MGAT5B: variants seen among roughly 807,000 people sequenced by gnomAD.
MGAT5B encodes alpha-1,6-mannosylglycoprotein 6-beta-N-acetylglucosaminyltransferase B, also known as N-acetylglucosaminyl-transferase Vb.
In MGAT5B, 54 loss-of-function variants were observed where a neutral mutation model predicts 95.1. The ratio of observed to expected loss-of-function variants is 0.57; its 90% CI spans 0.46 to 0.71. The LOEUF (loss-of-function observed/expected upper bound fraction) is 0.71, where lower values mean the gene tolerates loss of function less well. Ranked by LOEUF, MGAT5B falls within the 30% of genes least tolerant of loss-of-function variation. MGAT5B has a pLI of 0.00. For synonymous variants in MGAT5B, 464 were observed against 451.0 expected (o/e 1.03, Z -0.36); for missense variants, 935 against 1,088.6 (o/e 0.86, Z 1.99).
intron 3 of MGAT5B, among the ~76,000 whole-genome samples, chr17:76,901,922 C>A (rs1968325792): frequency 6.6e-6 from 1 of 152,274 alleles, no homozygotes; most frequent in South Asian, 2.1e-4. Context: ...AGCACACATG[C>A]AGTAATGCAC....
At chr17:76,884,602 A>AT (rs11338232) in intron 3 of MGAT5B, among the ~76,000 whole-genome samples, 6,566 of 125,426 alleles carry the variant, frequency 0.052, 456 homozygotes, top group African/African-American at 0.15. Flanking sequence ...TGCCCAGCTA[A>AT]TTTTTTTTTT....
At chr17:76,935,963 T>TAC (rs1370914175) in intron 12 of MGAT5B, among the ~76,000 whole-genome samples, 2 of 144,024 alleles carry the variant, frequency 1.4e-5, no homozygotes, top group Non-Finnish European at 3.0e-5. Flanking sequence ...ATTATATATA[T>TAC]ATATATGTAG....
In MGAT5B at chr17:76,869,770, G is replaced by C. The variant is rs1330898307; in HGVS notation, c.68+673G>C. On this transcript the variant is annotated intron_variant, in intron 1 of 17. Transcript: ENST00000569840. The surrounding 1 kb of genome is among the most constrained non-coding windows in gnomAD (Gnocchi z 7.0). ...AGCCGAGGCTGCGGCGGAGCGTGGT[G>C]GGCGGGCGGTGGCGAAGGCGACACG... 1.3e-5 allele frequency among the ~76,000 whole-genome samples: 2 copies of C among 152,184 alleles called. No homozygotes were observed. The highest frequency in any genetic ancestry group is 2.9e-5 in the Non-Finnish European group (2 of 68,020).
chr17:76,905,867 G>A lies in MGAT5B; in HGVS notation c.856-151G>A, dbSNP rs555852454. 32 of 753,262 alleles carry A rather than the reference G, an allele frequency of 4.2e-5. No homozygotes were observed. Among genetic ancestry groups the A allele is most frequent in the South Asian group, 1.2e-4 (6 of 51,114 alleles). The allele number at this position is 753,262 out of a possible 1,614,324, so 46.7% of individuals were successfully genotyped here. ...TTGTTCGCCCGTGTCCCCAGTGCCC[G>A]ATCTGGTCACTCTGGTGCCGGAAAG... is the stretch of plus-strand genomic sequence containing the variant. On this transcript the variant is annotated intron_variant, in intron 7 of 17. Transcript: ENST00000569840. This position sits in a 1 kb window ranked among gnomAD's most constrained non-coding sequence, Gnocchi z 4.2.
At chr17:76,887,448 T>TCCC (rs1967679852) in intron 3 of MGAT5B, among the ~76,000 whole-genome samples, 3 of 34,480 alleles carry the variant, frequency 8.7e-5, no homozygotes, top group African/African-American at 3.6e-4. Flanking sequence ...CCTCCCTCCC[T>TCCC]TCCTTCCTCC....
At position 76,917,711 on chromosome 17, in the gene MGAT5B, G is replaced by C. The variant is rs1329204434; in HGVS notation, c.1026-7255G>C. On this transcript the variant is annotated intron_variant, in intron 8 of 17. Coordinates refer to ENST00000569840, the MANE Select transcript of MGAT5B (RefSeq NM_001199172.2). The surrounding 1 kb of genome is among the most constrained non-coding windows in gnomAD (Gnocchi z 6.1). ...TACCCCAAGGTCCCTGCACAGGTTG[G>C]TTCTCAGCAAAGGTTGGTGGAACCG... 6.6e-6 allele frequency among the ~76,000 whole-genome samples: 1 copy of C among 152,068 alleles called. No homozygotes were observed. The highest frequency in any genetic ancestry group is 6.6e-5 in the Admixed American group (1 of 15,264).
Position 76,870,689 on chromosome 17 carries a change from A to C in MGAT5B, c.68+1592A>C, listed in dbSNP as rs1746214914. Among the ~76,000 whole-genome samples, 1 of 151,940 alleles carries C rather than the reference A, an allele frequency of 6.6e-6. No homozygotes were observed. The highest frequency in any genetic ancestry group is 2.1e-4 in the South Asian group (1 of 4,812). On this transcript the variant is annotated intron_variant, in intron 1 of 17. Transcript: ENST00000569840. This position sits in a 1 kb window ranked among gnomAD's most constrained non-coding sequence, Gnocchi z 5.0. ...CCCCAAAGTTGTGTAACTTCACCCC[A>C]GGGTCTCCCTGGGCTGCCCGGAGAC...
In MGAT5B at chr17:76,897,731, CT is replaced by C. The variant is rs59682650; in HGVS notation, c.330-4806del. 6.2e-3 allele frequency among the ~76,000 whole-genome samples: 524 copies of C among 84,844 alleles called. 7 individuals carry two copies. Among genetic ancestry groups the C allele is most frequent in the East Asian group, 0.017 (48 of 2,836 alleles). The allele number at this position is 84,844 out of a possible 152,430, so 55.7% of individuals were successfully genotyped here. On this transcript the variant is annotated intron_variant, in intron 3 of 17. Coordinates refer to ENST00000569840, the MANE Select transcript of MGAT5B (RefSeq NM_001199172.2). Reference sequence around the variant, plus strand: ...TTTCTTTCTTTCTTTCTTTCTTTTTCTTTTTTTTTTTTTTTTTTGGTTTATT... The same window carrying C: ...TTTCTTTCTTTCTTTCTTTCTTTTTCTTTTTTTTTTTTTTTTTGGTTTATT...
intron 15 of MGAT5B, among the ~76,000 whole-genome samples, chr17:76,944,414 C>A (rs1490627942): frequency 6.6e-6 from 1 of 152,110 alleles, no homozygotes; most frequent in Admixed American, 6.5e-5. Flanking sequence ...TTATTTATAA[C>A]CTGAGAGTGA....
Position 76,914,286 on chromosome 17 carries a change from C to A in MGAT5B, c.1025+8099C>A, listed in dbSNP as rs1184438285. 1.3e-5 allele frequency among the ~76,000 whole-genome samples: 2 copies of A among 152,180 alleles called. No homozygotes were observed. Among genetic ancestry groups the A allele is most frequent in the African/African-American group, 4.8e-5 (2 of 41,428 alleles). Reference sequence around the variant, plus strand: ...AGTGTGGAAGGCGGGATGGGGAGGACACAGCAGTCGTGAGTGTCTGCACTC... The same window carrying A: ...AGTGTGGAAGGCGGGATGGGGAGGAAACAGCAGTCGTGAGTGTCTGCACTC... On this transcript the variant is annotated intron_variant, in intron 8 of 17. Coordinates refer to ENST00000569840, the MANE Select transcript of MGAT5B (RefSeq NM_001199172.2). This position sits in a 1 kb window ranked among gnomAD's most constrained non-coding sequence, Gnocchi z 5.1.
intron 15 of MGAT5B, among the ~76,000 whole-genome samples, chr17:76,945,863 T>G (rs1299997332): frequency 1.3e-5 from 2 of 152,168 alleles, no homozygotes; most frequent in East Asian, 1.9e-4. Context: ...ACCCTCAAGG[T>G]GTCCATAAGT....
At position 76,905,072 on chromosome 17, in the gene MGAT5B, G is replaced by T. The variant is rs2068829996; in HGVS notation, c.691-97G>T. The T allele has an allele frequency of 2.2e-6, 3 of 1,338,592 alleles. No homozygotes were observed. The highest frequency in any genetic ancestry group is 3.0e-6 in the Non-Finnish European group (3 of 991,074). The allele number at this position is 1,338,592 out of a possible 1,614,324, so 82.9% of individuals were successfully genotyped here. The stretch of plus-strand genomic sequence containing the variant: ...GCAGGAGAAGCTGGAGCAGGCCCCA[G>T]CCTCATGGGAGGGTGCCAGCCCCTG... On this transcript the variant is annotated intron_variant, in intron 6 of 17. Transcript: ENST00000569840. This position sits in a 1 kb window ranked among gnomAD's most constrained non-coding sequence, Gnocchi z 4.2.
intron 8 of MGAT5B, among the ~76,000 whole-genome samples, chr17:76,907,221 T>C (rs752942779): frequency 3.3e-5 from 5 of 152,116 alleles, no homozygotes; most frequent in African/African-American, 4.8e-5. Flanking sequence ...AGGCTAATTT[T>C]TGTGTTTTTA....
intron 8 of MGAT5B, among the ~76,000 whole-genome samples, chr17:76,913,464 G>T (rs1968815730): frequency 1.3e-5 from 2 of 152,222 alleles, no homozygotes; most frequent in African/African-American, 4.8e-5. Flanking sequence ...GAGGAGAAAA[G>T]CACTGGGTCT....
chr17:76,905,223 G>T lies in MGAT5B; in HGVS notation c.745G>T (p.Glu249Ter). 3 of 1,613,654 alleles carry T rather than the reference G, an allele frequency of 1.9e-6. No homozygotes were observed. The highest frequency in any genetic ancestry group is 2.5e-6 in the Non-Finnish European group (3 of 1,179,726). ...HLLDLMGSGKESLIFMKKRTK... is the reference protein window; with the variant it reads ...HLLDLMGSGK ...TCTGGACCTGATGGGCAGCGGGAAG[G>T]AGTCCCTGATCTTCATGAAGAAGCG... The change falls in exon 7 of 18, where the codon GAG (glutamate) becomes TAG (stop). Residue 249 changes from glutamate to a stop codon, truncating the protein, a stop_gained. Coordinates refer to ENST00000569840, the MANE Select transcript of MGAT5B (RefSeq NM_001199172.2). LOFTEE classifies it high-confidence loss of function. This position sits in a 1 kb window ranked among gnomAD's most constrained non-coding sequence, Gnocchi z 4.2.
In MGAT5B at chr17:76,916,608, G is replaced by A. The variant is rs1488853601; in HGVS notation, c.1026-8358G>A. Reference sequence around the variant, plus strand: ...GAGTCTAGGAGTTCAAGACCAACCTGAGCAAGGAAACCTCATCTCTACAAG... The same window carrying A: ...GAGTCTAGGAGTTCAAGACCAACCTAAGCAAGGAAACCTCATCTCTACAAG... On this transcript the variant is annotated intron_variant, in intron 8 of 17. Transcript: ENST00000569840. The surrounding 1 kb of genome is among the most constrained non-coding windows in gnomAD (Gnocchi z 5.3). 6.6e-6 allele frequency among the ~76,000 whole-genome samples: 1 copy of A among 152,192 alleles called. No homozygotes were observed. The highest frequency in any genetic ancestry group is 1.5e-5 in the Non-Finnish European group (1 of 68,030).
chr17:76,944,639 T>G (rs1284206967), intron 15 of MGAT5B, among the ~76,000 whole-genome samples: 1 of 152,232 alleles, frequency 6.6e-6, no homozygotes, highest in East Asian at 1.9e-4. Flanking sequence ...CTCCGGGACT[T>G]CGAACTTGCC....
intron 3 of MGAT5B, among the ~76,000 whole-genome samples, chr17:76,899,126 G>A (rs1332786380): frequency 6.6e-6 from 1 of 152,222 alleles, no homozygotes; most frequent in African/African-American, 2.4e-5. Flanking sequence ...ACGGGTTGAG[G>A]TCCGTTCCAA....
chr17:76,931,447 C>T (rs1969472861), intron 10 of MGAT5B, among the ~76,000 whole-genome samples: 1 of 152,154 alleles, frequency 6.6e-6, no homozygotes, highest in African/African-American at 2.4e-5. Context: ...AATGTCTGGT[C>T]GGTAAGTGCT....
Sources: allele counts gnomAD v4.1 joint callset (sites outside exome capture counted in the v4.1 genomes callset), GRCh38; gene constraint gnomAD v4.1.1; non-coding constraint Gnocchi (gnomAD v3.1); transcripts MANE v1.5; gene names NCBI Gene and HGNC (gene_info 2026-07-23, HGNC 2026-07-21).